Variants in LAMA4 observed in about 807,000 individuals in gnomAD.
LAMA4 encodes laminin subunit alpha 4, also known as laminin subunit alpha-4.
Under a neutral mutation model 207.1 loss-of-function variants are expected in LAMA4, and 127 were observed. The ratio of observed to expected loss-of-function variants is 0.61; its 90% confidence interval spans 0.53 to 0.71. The LOEUF is 0.71. Among genes scored for constraint, LAMA4 ranks in the 30% least tolerant of loss-of-function variants. The probability of loss-of-function intolerance (pLI) is 0.00; values close to 1 mark genes in which losing one functional copy is unlikely to be tolerated. For missense variants in LAMA4, 2,093 were observed against 2,246.5 expected (o/e 0.93, Z 1.38); for synonymous variants, 761 against 816.0 (o/e 0.93, Z 1.15).
intron 16 of LAMA4, 161 bp downstream of exon 16, chr6:112,154,690 T>A (rs138454015): frequency 5.6e-5 from 36 of 648,440 alleles, no homozygotes; most frequent in Non-Finnish European, 9.1e-5. Context: ...AAGTATCAAA[T>A]CTTTGCTCTT....
intron 2 of LAMA4, among the ~76,000 whole-genome samples, chr6:112,252,298 C>T (rs1584030510): frequency 6.6e-6 from 1 of 152,342 alleles, no homozygotes. Flanking sequence ...AACCTGCAAT[C>T]TGAAACACTT....
chr6:112,168,075 G>A (rs1781491675), intron 12 of LAMA4, among the ~76,000 whole-genome samples: 1 of 151,818 alleles, frequency 6.6e-6, no homozygotes, highest in Non-Finnish European at 1.5e-5. Context: ...GCGGGTGCCT[G>A]TAGTCCCAGC....
At chr6:112,194,899 A>G (rs549139242) in intron 5 of LAMA4, among the ~76,000 whole-genome samples, 9 of 152,330 alleles carry the variant, frequency 5.9e-5, no homozygotes, top group African/African-American at 1.9e-4. Context: ...ATCCAAGGAA[A>G]ACAGAACTGG....
intron 31 of LAMA4, 83 bp from the exon 32 acceptor site, chr6:112,122,284 G>C: frequency 3.0e-6 from 3 of 1,001,592 alleles, no homozygotes; most frequent in Non-Finnish European, 4.6e-6. Context: ...CATTAATAAG[G>C]ATAAAAAATT....
At position 112,109,456 on chromosome 6, in the gene LAMA4, T is replaced by C. The variant is rs781847887; in HGVS notation, c.5453A>G (p.Asn1818Ser). 1 of 1,613,910 alleles carries C rather than the reference T, an allele frequency of 6.2e-7. No individual in the cohort carries two copies. Among genetic ancestry groups the C allele is most frequent in the South Asian group, 1.1e-5 (1 of 91,078 alleles). ...AALVSGAVSINSCPAA is the reference protein window; with the variant it reads ...AALVSGAVSISSCPAA ...GTCATGTCAGGCTGCTGGACAGGAG[T>C]TGATGCTTACGGCGCCGCTGACCAG... The change falls in exon 39 of 39, where the codon AAC (asparagine) becomes AGC (serine). Residue 1818 changes from asparagine (N) to serine (S), a missense_variant. Around this residue, in one of 3 missense-constraint regions of LAMA4, gnomAD observed 383 missense variants for 437.8 expected, o/e 0.87. Transcript: ENST00000230538.
At chr6:112,238,578 G>T (rs1554366965) in intron 2 of LAMA4, among the ~76,000 whole-genome samples, 1 of 151,958 alleles carries the variant, frequency 6.6e-6, no homozygotes, top group Non-Finnish European at 1.5e-5. Context: ...GGCGTACTGG[G>T]CACCTGTAGT....
At chr6:112,222,734 C>T (rs1554360954) in intron 2 of LAMA4, among the ~76,000 whole-genome samples, 1 of 152,204 alleles carries the variant, frequency 6.6e-6, no homozygotes, top group African/African-American at 2.4e-5. Context: ...TGTTCATCAA[C>T]TATTTGGACT....
chr6:112,111,895 A>G (rs1583620651), intron 38 of LAMA4, among the ~76,000 whole-genome samples: 1 of 152,312 alleles, frequency 6.6e-6, no homozygotes, highest in East Asian at 1.9e-4. Context: ...GTGAAAGCAA[A>G]CAAACAAACA....
In LAMA4 at chr6:112,109,567, G is replaced by A. The variant is rs2114528955; in HGVS notation, c.5342C>T (p.Pro1781Leu). The A allele has an allele frequency of 1.2e-6, 2 of 1,613,980 alleles. No individual in the cohort carries two copies. The highest frequency in any genetic ancestry group is 2.2e-5 in the East Asian group (1 of 44,870). Residue 1781 changes from proline (P) to leucine (L), a missense_variant, in exon 39 of 39, where the codon CCA becomes CTA. Pro to Leu is a moderately conservative substitution (Grantham distance 98). Around this residue, in one of 3 missense-constraint regions of LAMA4, gnomAD observed 383 missense variants for 437.8 expected, o/e 0.87. Coordinates refer to ENST00000230538, the MANE Select transcript of LAMA4 (RefSeq NM_001105206.3). ...VGGVPESLLTPRLAPSKPFTG... is the reference protein window; with the variant it reads ...VGGVPESLLTLRLAPSKPFTG... ...GAAGGGTTTGCTGGGGGCCAAGCGT[G>A]GTGTCAGTAGAGATTCTGAAAAGAG...
chr6:112,131,424 A>G (rs1224380749), intron 28 of LAMA4, among the ~76,000 whole-genome samples: 1 of 152,072 alleles, frequency 6.6e-6, no homozygotes, highest in African/African-American at 2.4e-5. Flanking sequence ...CTTCGAATAG[A>G]TGATATTTGG....
intron 2 of LAMA4, among the ~76,000 whole-genome samples, chr6:112,217,370 C>T (rs940926658): frequency 3.3e-5 from 5 of 152,140 alleles, no homozygotes; most frequent in Admixed American, 6.5e-5. Context: ...ATCCGCTCCC[C>T]GCCCATCAGA....
chr6:112,159,726 C>T (rs1363978286), intron 13 of LAMA4, among the ~76,000 whole-genome samples: 5 of 152,350 alleles, frequency 3.3e-5, no homozygotes, highest in Middle Eastern at 6.8e-3. Flanking sequence ...TTCCACACTT[C>T]TGATGTCTCC....
chr6:112,190,947 C>CCTTTCTTTCTTTCTTT (rs199702092), intron 6 of LAMA4, among the ~76,000 whole-genome samples: 471 of 40,410 alleles, frequency 0.012, 29 homozygotes, highest in African/African-American at 0.016. Context: ...TTCTTTCTTT[C>CCTTTCTTTCTTTCTTT]CTTTCTTTCT....
At chr6:112,122,633 A>C (rs1242997394) in intron 31 of LAMA4, among the ~76,000 whole-genome samples, 1 of 152,222 alleles carries the variant, frequency 6.6e-6, no homozygotes, top group Non-Finnish European at 1.5e-5. Context: ...CATGTTGTGT[A>C]AAAAGTTAAC....
chr6:112,187,454 A>G lies in LAMA4; in HGVS notation c.962T>C (p.Leu321Pro), dbSNP rs1554347065. The G allele has an allele frequency of 1.2e-6, 2 of 1,614,060 alleles. No individual in the cohort carries two copies. The highest frequency in any genetic ancestry group is 1.7e-6 in the Non-Finnish European group (2 of 1,180,000). Reference sequence around the variant, plus strand: ...AAGTAGAACATTCCTGCGTACTTTGAGGAGGTAGATGGTGGCGTTGATTTC... The same window carrying G: ...AAGTAGAACATTCCTGCGTACTTTGGGGAGGTAGATGGTGGCGTTGATTTC... The part of the protein sequence containing the change: ...VNEINATIYL[L>P]KTKLSERENQ... The change falls in exon 8 of 39, where the codon CTC becomes CCC. Residue 321 changes from leucine (L) to proline (P), a missense_variant. By Grantham distance (98) the Leu-to-Pro change is moderately conservative. Coordinates refer to ENST00000230538, the MANE Select transcript of LAMA4 (RefSeq NM_001105206.3).
At chr6:112,174,146 T>G (rs76919197) in intron 11 of LAMA4, among the ~76,000 whole-genome samples, 1,825 of 152,306 alleles carry the variant, frequency 0.012, 16 homozygotes, top group Middle Eastern at 0.02. Context: ...CAATCAAGAG[T>G]GGAGTCTATC....
chr6:112,213,013 C>A (rs893521322), intron 3 of LAMA4, among the ~76,000 whole-genome samples: 2 of 152,204 alleles, frequency 1.3e-5, no homozygotes, highest in Non-Finnish European at 2.9e-5. Context: ...TAATAAGAAA[C>A]AAATTAGCCT....
At chr6:112,241,094 C>CATGAATATATATATATAT (rs1330133105) in intron 2 of LAMA4, among the ~76,000 whole-genome samples, 1 of 93,112 alleles carries the variant, frequency 1.1e-5, no homozygotes, top group South Asian at 3.7e-4. Context: ...GCTGGAGTCA[C>CATGAATATATATATATAT]ATGAATATAT....
chr6:112,229,582 T>C (rs1489054206), intron 2 of LAMA4, among the ~76,000 whole-genome samples: 2 of 152,188 alleles, frequency 1.3e-5, no homozygotes, highest in African/African-American at 4.8e-5. Context: ...CTGGGGGCCA[T>C]AGGTAGGAAA....
Sources: gnomAD v4.1 joint callset for allele counts (sites outside exome capture counted in the v4.1 genomes callset) on GRCh38, gnomAD v4.1.1 for gene constraint, gnomAD v4.1.1 regional missense constraint, MANE v1.5 for transcripts, NCBI Gene and HGNC (gene_info 2026-07-23, HGNC 2026-07-21) for gene names.